The following ZNF837 variants were observed in gnomAD, a reference collection of about 807,000 sequenced individuals.
ZNF837 encodes zinc finger protein 837.
For synonymous variants in ZNF837, 475 were observed against 365.2 expected, an observed-to-expected ratio of 1.30 and a Z score of -3.43; for missense variants, 955 against 801.7, an observed-to-expected ratio of 1.19 and a Z score of -2.31.
chr19:58,378,689 CA>C (rs915257192), intron 1 of ZNF837, among the ~76,000 whole-genome samples: 1 of 152,218 alleles, frequency 6.6e-6, no homozygotes, highest in Admixed American at 6.5e-5. Context: ...CCGGAACTCT[CA>C]GAATGTGACC....
At position 58,368,441 on chromosome 19, in the gene ZNF837, G is replaced by T; in HGVS notation, c.892C>A (p.Pro298Thr). ...QHQRIHTGER[P>T]YECAECGKAF... ...TTGCCGCACTCGGCGCACTCGTAGG[G>T]CCGCTCGCCCGTGTGGATGCGCTGG... is the stretch of plus-strand genomic sequence containing the variant. The change falls in exon 3 of 3, where the codon CCC becomes ACC. Residue 298 changes from proline to threonine, a missense_variant. By Grantham distance (38) the Pro-to-Thr change is conservative. Transcript: ENST00000597582. 1 of 1,563,490 alleles carries T rather than the reference G, an allele frequency of 6.4e-7. No homozygotes were observed. Among genetic ancestry groups the T allele is most frequent in the Non-Finnish European group, 8.6e-7 (1 of 1,156,716 alleles).
intron 1 of ZNF837, among the ~76,000 whole-genome samples, chr19:58,379,222 G>A (rs1457662492): frequency 1.3e-5 from 2 of 152,166 alleles, no homozygotes; most frequent in Non-Finnish European, 2.9e-5. Flanking sequence ...TTGGCAGAAA[G>A]GGACCCTGAA....
chr19:58,371,244 A>AC (rs1271909239), intron 1 of ZNF837, among the ~76,000 whole-genome samples: 2 of 150,320 alleles, frequency 1.3e-5, no homozygotes, highest in Non-Finnish European at 3.0e-5. Flanking sequence ...CTGTCTCAAA[A>AC]AAAAAAAAAA....
chr19:58,368,439 G>A lies in ZNF837; in HGVS notation c.894C>T (p.Pro298=). The A allele has an allele frequency of 6.4e-7, 1 of 1,562,948 alleles. No homozygotes were observed. Among genetic ancestry groups the A allele is most frequent in the Non-Finnish European group, 8.6e-7 (1 of 1,156,438 alleles). ...CCTTGCCGCACTCGGCGCACTCGTA[G>A]GGCCGCTCGCCCGTGTGGATGCGCT... ...QHQRIHTGER[P]YECAECGKAF... Residue 298 remains proline, a synonymous_variant, in exon 3 of 3, where the codon CCC becomes CCT. Transcript: ENST00000597582.
chr19:58,375,064 C>T (rs11669305), intron 1 of ZNF837, among the ~76,000 whole-genome samples: 20,392 of 148,850 alleles, frequency 0.14, 1,848 homozygotes, highest in East Asian at 0.34. Context: ...TTCGAGACCA[C>T]CCTGGCCAAC....
chr19:58,370,542 GATAC>G (rs2052190532), intron 1 of ZNF837, among the ~76,000 whole-genome samples: 1 of 152,186 alleles, frequency 6.6e-6, no homozygotes, highest in Non-Finnish European at 1.5e-5. Context: ...ACTTTGCTGA[GATAC>G]ACACACGTGC....
Position 58,368,628 on chromosome 19 carries a change from G to A in ZNF837, c.705C>T (p.Arg235=), listed in dbSNP as rs1363835622. The A allele has an allele frequency of 5.9e-6, 9 of 1,532,244 alleles. No homozygotes were observed. Among genetic ancestry groups the A allele is most frequent in the South Asian group, 1.2e-5 (1 of 83,572 alleles). 94.9% of individuals were successfully genotyped at this position (1,532,244 alleles called of 1,614,324 possible). ...RPCARCGKRF[R]PNQQQQAGKS... ...TGCCCGCCTGCTGCTGCTGGTTGGG[G>A]CGGAAGCGCTTCCCGCACCGGGCAC... The change falls in exon 3 of 3, where the codon CGC becomes CGT. Residue 235 remains arginine, a synonymous_variant. Transcript: ENST00000597582.
intron 1 of ZNF837, among the ~76,000 whole-genome samples, chr19:58,376,432 G>A (rs1455074390): frequency 6.6e-6 from 1 of 151,112 alleles, no homozygotes; most frequent in East Asian, 2.0e-4. Flanking sequence ...GCAGGCGCCT[G>A]TAGTCCCAGC....
Position 58,372,224 on chromosome 19 carries a change from TTGTA to T in ZNF837, c.-139-2300_-139-2297del, listed in dbSNP as rs149043952. On this transcript the variant is annotated intron_variant, in intron 1 of 2. Coordinates refer to ENST00000597582, the MANE Select transcript of ZNF837 (RefSeq NM_138466.2). ...CATTCACCACCAAGCCCGGCTAATT[TTGTA>T]TTTTTTTCTTAGTAGAGCCGGGGTT... Among the ~76,000 whole-genome samples, 853 of 151,994 alleles carry T rather than the reference TTGTA, an allele frequency of 5.6e-3. 7 individuals carry two copies. Among genetic ancestry groups the T allele is most frequent in the African/African-American group, 0.019 (798 of 41,452 alleles).
rs117752822 is a variant in ZNF837 at position 58,373,198 on chromosome 19, C to T, written c.-139-3270G>A. On this transcript the variant is annotated intron_variant, in intron 1 of 2. Transcript: ENST00000597582. ...GGAGCCAGATGCAGACTCCCAAAGGCGCCGATCCTTCCTCGATCTCCCTCC... is the reference window on the plus strand; with the variant it reads ...GGAGCCAGATGCAGACTCCCAAAGGTGCCGATCCTTCCTCGATCTCCCTCC... Among the ~76,000 whole-genome samples, 287 of 152,326 alleles carry T rather than the reference C, an allele frequency of 1.9e-3. 3 individuals carry two copies. Among genetic ancestry groups the T allele is most frequent in the Middle Eastern group, 3.4e-3 (1 of 294 alleles).
chr19:58,369,703 A>C, intron 2 of ZNF837, 116 bp downstream of exon 2: 1 of 190,750 alleles, frequency 5.2e-6, no homozygotes, highest in Non-Finnish European at 1.1e-5. Context: ...CCAGCTCCCC[A>C]AAATCTCACT....
In ZNF837 at chr19:58,367,741, G is replaced by A. The variant is rs1354038809; in HGVS notation, c.1592C>T (p.Pro531Leu). 1.6e-5 allele frequency: 24 copies of A among 1,516,826 alleles called. 1 individual carries two copies. The South Asian group carries it at 2.0e-4, about 12-fold the overall frequency. 94.0% of individuals were successfully genotyped at this position (1,516,826 alleles called of 1,614,324 possible). ...TCGACTCTCGGCTCCCTGCAGTCAA[G>A]GCGCGGCGCGGCCCCCGTGCCGCTT... ...HRKRHGGRAA[P>L] The change falls in exon 3 of 3, where the codon CCT becomes CTT. Residue 531 changes from proline (P) to leucine (L), a missense_variant. Physicochemically the swap from Pro to Leu is moderately conservative, Grantham distance 98. Coordinates refer to ENST00000597582, the MANE Select transcript of ZNF837 (RefSeq NM_138466.2).
At chr19:58,375,184 A>T (rs1389262102) in intron 1 of ZNF837, among the ~76,000 whole-genome samples, 1 of 139,578 alleles carries the variant, frequency 7.2e-6, no homozygotes, top group East Asian at 2.1e-4. Context: ...TGAACCTGGG[A>T]GGAGGAGGTT....
chr19:58,380,761 C>T (rs2122141487), intron 1 of ZNF837, among the ~76,000 whole-genome samples, 180 bp downstream of exon 1: 1 of 152,308 alleles, frequency 6.6e-6, no homozygotes, highest in Admixed American at 6.5e-5. Flanking sequence ...CTCAAGGTCG[C>T]GAGTGCTGTG....
rs570407199 is a variant in ZNF837, at chr19:58,367,753, C to A, written c.1580G>T (p.Gly527Val). The change falls in exon 3 of 3, where the codon GGC becomes GTC. Residue 527 changes from glycine to valine, a missense_variant. Gly to Val is a moderately radical substitution (Grantham distance 109). Coordinates refer to ENST00000597582, the MANE Select transcript of ZNF837 (RefSeq NM_138466.2). ...NLNEHRKRHG[G>V]RAAP is the part of the protein sequence containing the mutation. ...TCCCTGCAGTCAAGGCGCGGCGCGGCCCCCGTGCCGCTTCCGGTGCTCGTT... is the reference window on the plus strand; with the variant it reads ...TCCCTGCAGTCAAGGCGCGGCGCGGACCCCGTGCCGCTTCCGGTGCTCGTT... The A allele has an allele frequency of 6.5e-7, 1 of 1,529,522 alleles. No homozygotes were observed. Among genetic ancestry groups the A allele is most frequent in the Non-Finnish European group, 8.7e-7 (1 of 1,143,700 alleles). The allele number at this position is 1,529,522 out of a possible 1,614,324, so 94.7% of individuals were successfully genotyped here. A position where few individuals can be genotyped will look rare whatever the true frequency, so the allele number is the denominator to read the frequency against.
intron 1 of ZNF837, among the ~76,000 whole-genome samples, chr19:58,380,332 C>T (rs575743089): frequency 6.6e-6 from 1 of 152,380 alleles, no homozygotes; most frequent in Admixed American, 6.5e-5. Context: ...CCTCGCAGGA[C>T]ATCCACTGTG....
Position 58,368,239 on chromosome 19 carries a change from C to A in ZNF837, c.1094G>T (p.Cys365Phe), listed in dbSNP as rs757812003. The A allele has an allele frequency of 1.9e-4, 291 of 1,508,782 alleles. No individual in the cohort carries two copies. Among genetic ancestry groups the A allele is most frequent in the Admixed American group, 4.3e-4 (20 of 46,342 alleles). The allele number at this position is 1,508,782 out of a possible 1,614,324, so 93.5% of individuals were successfully genotyped here. Reference protein sequence around the residue: ...GSGAGEKPYECADCAKAFGLF... With the variant: ...GSGAGEKPYEFADCAKAFGLF... ...CCCGAAGGCCTTGGCGCAGTCGGCG[C>A]ACTCGTACGGCTTCTCCCCGGCTCC... The change falls in exon 3 of 3, where the codon TGC becomes TTC. Residue 365 changes from cysteine (C) to phenylalanine (F), a missense_variant. Physicochemically the swap from Cys to Phe is radical, Grantham distance 205. Coordinates refer to ENST00000597582, the MANE Select transcript of ZNF837 (RefSeq NM_138466.2).
chr19:58,369,792 T>C (rs1288316681), intron 2 of ZNF837, 27 bp downstream of exon 2: 1 of 153,450 alleles, frequency 6.5e-6, no homozygotes, highest in Non-Finnish European at 1.4e-5. Context: ...TGTCCATGTC[T>C]TCTGAGAGGT....
Position 58,368,102 on chromosome 19 carries a change from G to C in ZNF837, c.1231C>G (p.Arg411Gly). The change falls in exon 3 of 3, where the codon CGC becomes GGC. Residue 411 changes from arginine (R) to glycine (G), a missense_variant. Arg to Gly is a moderately radical substitution (Grantham distance 125, BLOSUM62 -2). Transcript: ENST00000597582. ...TAGGGCTTGGCGCTGCTGTGAGTGC[G>C]CTGGTGCCGGCTCAGGTTCGAGCGC... Reference protein sequence around the residue: ...NQRSNLSRHQRTHSSAKPYAC... With the variant: ...NQRSNLSRHQGTHSSAKPYAC... The C allele has an allele frequency of 1.9e-6, 3 of 1,563,862 alleles. No homozygotes were observed. Among genetic ancestry groups the C allele is most frequent in the Non-Finnish European group, 1.7e-6 (2 of 1,157,358 alleles).
Sources: gnomAD v4.1 joint callset for allele counts (sites outside exome capture counted in the v4.1 genomes callset) on GRCh38, gnomAD v4.1.1 for gene constraint, MANE v1.5 for transcripts, NCBI Gene and HGNC (gene_info 2026-07-23, HGNC 2026-07-21) for gene names.